Variants in RBFOX1 observed in about 807,000 individuals in gnomAD.
The protein encoded by RBFOX1 is RNA binding protein fox-1 homolog 1.
RBFOX1 carries 8 observed loss-of-function variants against 57.7 expected under a neutral mutation model. The ratio of observed to expected loss-of-function variants is 0.14; its 90% CI spans 0.08 to 0.25. The LOEUF is 0.25. Among genes scored for constraint, RBFOX1 ranks in the 10% least tolerant of loss-of-function variants. The pLI is 1.00. For missense variants in RBFOX1, 611 were observed against 548.5 expected (o/e 1.11, Z -1.14); for synonymous variants, 326 against 222.4 (o/e 1.47, Z -4.15).
At chr16:6,091,472 A>G (rs553738270) in intron 1 of RBFOX1, among the ~76,000 whole-genome samples, 3 of 152,198 alleles carry the variant, frequency 2.0e-5, no homozygotes, top group East Asian at 1.9e-4. Context: ...AGCGGTCTAT[A>G]TCTATTTTAT....
At chr16:5,324,556 C>A (rs1188061290) in intron 1 of RBFOX1, among the ~76,000 whole-genome samples, 2 of 152,190 alleles carry the variant, frequency 1.3e-5, no homozygotes, top group Non-Finnish European at 2.9e-5. Context: ...TGGAATCAAC[C>A]TCAGTGCCCA....
In RBFOX1 at chr16:5,657,732, C is replaced by T. The variant is rs371691587; in HGVS notation, c.318+58771C>T. ...TTTCTCTCTTTCTTTTGTTTCTTTT[C>T]TTTTCTTTTTTTTTTTTTGAGACAG... is the stretch of plus-strand genomic sequence containing the variant. On this transcript the variant is annotated intron_variant, in intron 3 of 19. Transcript: ENST00000641259. Among the ~76,000 whole-genome samples the T allele has an allele frequency of 6.1e-4, 60 of 98,278 alleles. 3 individuals carry two copies. The highest frequency in any genetic ancestry group is 8.6e-4 in the East Asian group (2 of 2,336). 64.5% of individuals were successfully genotyped at this position (98,278 alleles called of 152,430 possible). A position where few individuals can be genotyped will look rare whatever the true frequency, so the allele number is the denominator to read the frequency against.
intron 4 of RBFOX1, among the ~76,000 whole-genome samples, chr16:7,511,040 C>T (rs1220138227): frequency 1.3e-5 from 2 of 152,200 alleles, no homozygotes; most frequent in Non-Finnish European, 2.9e-5. Context: ...TGGGGAAATA[C>T]AGGTGTGTGA....
chr16:5,815,954 C>A (rs2055618282), intron 3 of RBFOX1, among the ~76,000 whole-genome samples: 1 of 152,148 alleles, frequency 6.6e-6, no homozygotes, highest in African/African-American at 2.4e-5. Flanking sequence ...TGGTTAAAAT[C>A]CATTAGGCTT....
At chr16:6,091,179 C>T (rs1013085191) in intron 1 of RBFOX1, among the ~76,000 whole-genome samples, 1 of 152,094 alleles carries the variant, frequency 6.6e-6, no homozygotes, top group Non-Finnish European at 1.5e-5. Context: ...AGGTTTGCAC[C>T]CATTAACCGA....
chr16:5,387,510 A>G (rs924074871), intron 1 of RBFOX1, among the ~76,000 whole-genome samples: 1 of 152,132 alleles, frequency 6.6e-6, no homozygotes, highest in Admixed American at 6.5e-5. Flanking sequence ...TGAGTTTGAG[A>G]TAGTAGAATT....
chr16:7,617,872 A>C (rs1302540286), intron 10 of RBFOX1, among the ~76,000 whole-genome samples: 1 of 152,204 alleles, frequency 6.6e-6, no homozygotes, highest in Non-Finnish European at 1.5e-5. Flanking sequence ...GGGGTGGTGT[A>C]AATTGAGTCT....
intron 2 of RBFOX1, among the ~76,000 whole-genome samples, chr16:6,427,277 G>A (rs938521623): frequency 2.8e-4 from 43 of 152,290 alleles, no homozygotes; most frequent in African/African-American, 8.4e-4. Flanking sequence ...GATAAAAGCC[G>A]TCCAGAGTAT....
chr16:6,115,481 T>A (rs1164935812), intron 1 of RBFOX1, among the ~76,000 whole-genome samples: 1 of 152,228 alleles, frequency 6.6e-6, no homozygotes, highest in Non-Finnish European at 1.5e-5. Context: ...AATAGATTTG[T>A]GCATATTGGC....
chr16:7,524,408 C>A (rs1025632172), intron 5 of RBFOX1, among the ~76,000 whole-genome samples: 3 of 152,118 alleles, frequency 2.0e-5, no homozygotes, highest in Non-Finnish European at 4.4e-5. Context: ...ATGTAGGCCT[C>A]CAAACATATC....
chr16:7,514,604 AG>A (rs1193069315), intron 4 of RBFOX1, among the ~76,000 whole-genome samples: 1 of 152,086 alleles, frequency 6.6e-6, no homozygotes, highest in African/African-American at 2.4e-5. Context: ...AGCCTGCTGG[AG>A]GAGGGACTCT....
intron 2 of RBFOX1, among the ~76,000 whole-genome samples, chr16:6,429,949 A>C (rs1233942316): frequency 6.6e-6 from 1 of 151,990 alleles, no homozygotes; most frequent in Non-Finnish European, 1.5e-5. Flanking sequence ...TCTCTACTAA[A>C]AATACAAAAT....
chr16:6,688,928 G>T (rs2059829203), intron 3 of RBFOX1, among the ~76,000 whole-genome samples: 2 of 152,076 alleles, frequency 1.3e-5, no homozygotes, highest in Admixed American at 1.3e-4. Context: ...GAGAATGATG[G>T]TTTCCAGCTT....
intron 3 of RBFOX1, among the ~76,000 whole-genome samples, chr16:5,676,537 G>T (rs142687270): frequency 6.6e-6 from 1 of 152,266 alleles, no homozygotes; most frequent in African/African-American, 2.4e-5. Context: ...ATGAGTTGTT[G>T]TGAGGATTGA....
At chr16:5,809,610 C>T (rs1368069722) in intron 3 of RBFOX1, among the ~76,000 whole-genome samples, 1 of 152,196 alleles carries the variant, frequency 6.6e-6, no homozygotes. Context: ...AAATGCAAAT[C>T]AAAACCACGA....
intron 2 of RBFOX1, among the ~76,000 whole-genome samples, chr16:6,479,086 CTG>C (rs141581910): frequency 2.1e-4 from 32 of 151,390 alleles, no homozygotes; most frequent in African/African-American, 4.8e-4. Flanking sequence ...TGAGGTATGC[CTG>C]TGTGTGTGTG....
chr16:5,911,417 A>G (rs1455363139), intron 4 of RBFOX1, among the ~76,000 whole-genome samples: 1 of 152,070 alleles, frequency 6.6e-6, no homozygotes, highest in Admixed American at 6.6e-5. Flanking sequence ...GATAAGCACA[A>G]CTTCCCTGGG....
chr16:6,584,348 T>C (rs1452977337), intron 2 of RBFOX1, among the ~76,000 whole-genome samples: 1 of 128,528 alleles, frequency 7.8e-6, no homozygotes, highest in Non-Finnish European at 1.6e-5. Context: ...TTCATTATTA[T>C]TATTATTATT....
chr16:5,634,916 C>G (rs905094482), intron 3 of RBFOX1, among the ~76,000 whole-genome samples: 1 of 152,186 alleles, frequency 6.6e-6, no homozygotes, highest in Admixed American at 6.5e-5. Context: ...AGGACGGATT[C>G]TGATTGGCTC....
Sources: allele counts gnomAD v4.1 joint callset (sites outside exome capture counted in the v4.1 genomes callset), GRCh38; gene constraint gnomAD v4.1.1; transcripts MANE v1.5; gene names NCBI Gene and HGNC (gene_info 2026-07-23, HGNC 2026-07-21).